The following XRCC2 variants were observed in gnomAD, a reference collection of about 807,000 sequenced individuals.
XRCC2 encodes the protein X-ray repair cross complementing 2.
A neutral mutation model predicts 27.3 loss-of-function variants in XRCC2; 24 were observed. The observed-to-expected ratio is 0.88, with a 90% CI of 0.64 to 1.24. The LOEUF is 1.24. Among genes scored for constraint, XRCC2 ranks in the 50% most tolerant of loss-of-function variants. The pLI is 0.00. For synonymous variants in XRCC2, 106 were observed against 115.4 expected (o/e 0.92, Z 0.52); for missense variants, 321 against 325.8 (o/e 0.99, Z 0.11).
intron 2 of XRCC2, among the ~76,000 whole-genome samples, chr7:152,653,135 G>C (rs527706011): frequency 1.3e-5 from 2 of 152,268 alleles, no homozygotes; most frequent in African/African-American, 4.8e-5. Flanking sequence ...GGTCTTTCCT[G>C]TGCTGTTCTC....
chr7:152,660,217 G>T (rs182130057), intron 2 of XRCC2, among the ~76,000 whole-genome samples: 1 of 152,052 alleles, frequency 6.6e-6, no homozygotes, highest in Non-Finnish European at 1.5e-5. Context: ...CTGTGGTAAC[G>T]GTTGCACAAC....
intron 2 of XRCC2, among the ~76,000 whole-genome samples, chr7:152,652,179 G>GAA (rs11309976): frequency 4.5e-4 from 66 of 146,394 alleles, no homozygotes; most frequent in African/African-American, 3.6e-4. Flanking sequence ...GAAAAGAAAA[G>GAA]AAAAAAAAAA....
At chr7:152,657,731 G>A (rs987227496) in intron 2 of XRCC2, among the ~76,000 whole-genome samples, 1 of 152,126 alleles carries the variant, frequency 6.6e-6, no homozygotes, top group Non-Finnish European at 1.5e-5. Context: ...AATTAAGTTT[G>A]TATTAATCCA....
At chr7:152,658,844 T>C (rs529234327) in intron 2 of XRCC2, among the ~76,000 whole-genome samples, 183 of 152,324 alleles carry the variant, frequency 1.2e-3, no homozygotes, top group Non-Finnish European at 2.2e-3. Context: ...TGGATACTTT[T>C]CCCCCCAGGG....
rs761420597 is a variant in XRCC2 at position 152,647,252 on chromosome 7, G to T, written c.*1390C>A. On this transcript the variant is annotated 3_prime_UTR_variant, in exon 3 of 3. Transcript: ENST00000359321. ...CCTTTGCCCACTTTTTAATGGGGTG[G>T]TTTTTTCTTCTAAATTTGTTTAAAT... The T allele has an allele frequency of 3.9e-5, 6 of 152,098 alleles. No individual in the cohort carries two copies. The highest frequency in any genetic ancestry group is 8.8e-5 in the Non-Finnish European group (6 of 68,002). 9.4% of individuals were successfully genotyped at this position (152,098 alleles called of 1,614,324 possible). A position where few individuals can be genotyped will look rare whatever the true frequency, so the allele number is the denominator to read the frequency against.
In XRCC2 at chr7:152,647,598, T is replaced by C. The variant is rs1476884024; in HGVS notation, c.*1044A>G. The C allele has an allele frequency of 1.3e-5, 2 of 152,226 alleles. No individual in the cohort carries two copies. Among genetic ancestry groups the C allele is most frequent in the African/African-American group, 4.8e-5 (2 of 41,450 alleles). 9.4% of individuals were successfully genotyped at this position (152,226 alleles called of 1,614,324 possible). A position where few individuals can be genotyped will look rare whatever the true frequency, so the allele number is the denominator to read the frequency against. On this transcript the variant is annotated 3_prime_UTR_variant, in exon 3 of 3. Coordinates refer to ENST00000359321, the MANE Select transcript of XRCC2 (RefSeq NM_005431.2). ...ATATGGCATAAGGAAGGCGTCCATTTTCAATCTTTTCCATATGGCTGGCCA... is the reference window on the plus strand; with the variant it reads ...ATATGGCATAAGGAAGGCGTCCATTCTCAATCTTTTCCATATGGCTGGCCA...
chr7:152,649,352 C>G lies in XRCC2; in HGVS notation c.133G>C (p.Glu45Gln). ...EDSPVHGDIL[E>Q]FHGPEGTGKT... is the part of the protein sequence containing the mutation. ...CCTGTTCCTTCTGGGCCATGAAATT[C>G]AAGAATATCACCTGTGTAAAATTTA... The change falls in exon 3 of 3, where the codon GAA becomes CAA. Residue 45 changes from glutamate to glutamine, a missense_variant. Glu to Gln is a conservative substitution (Grantham distance 29). Coordinates refer to ENST00000359321, the MANE Select transcript of XRCC2 (RefSeq NM_005431.2). The G allele has an allele frequency of 6.3e-7, 1 of 1,586,228 alleles. No homozygotes were observed. The highest frequency in any genetic ancestry group is 1.2e-5 in the South Asian group (1 of 86,286).
At chr7:152,662,307 A>T (rs1374334352) in intron 1 of XRCC2, among the ~76,000 whole-genome samples, 2 of 151,756 alleles carry the variant, frequency 1.3e-5, no homozygotes, top group Non-Finnish European at 2.9e-5. Flanking sequence ...TTACTAGGGG[A>T]CAGATGTGAG....
chr7:152,653,469 A>G (rs1235856547), intron 2 of XRCC2, among the ~76,000 whole-genome samples: 1 of 152,082 alleles, frequency 6.6e-6, no homozygotes, highest in Non-Finnish European at 1.5e-5. Context: ...CATAAAGTAG[A>G]CTTTTTTTGA....
Position 152,645,196 on chromosome 7 carries a change from TTA to T in XRCC2, c.*3444_*3445del, listed in dbSNP as rs2098025233. On this transcript the variant is annotated 3_prime_UTR_variant, in exon 3 of 3. Coordinates refer to ENST00000359321, the MANE Select transcript of XRCC2 (RefSeq NM_005431.2). ...TCCAAAAAGGTCTTGCATATTTTTA[TTA>T]GATTTATTTCTAGAAACTTTATATT... 6.7e-6 allele frequency: 1 copy of T among 150,110 alleles called. No individual in the cohort carries two copies. 9.3% of individuals were successfully genotyped at this position (150,110 alleles called of 1,614,324 possible).
intron 2 of XRCC2, 31 bp downstream of exon 2, chr7:152,660,670 C>T (rs1219040124): frequency 1.3e-6 from 2 of 1,567,256 alleles, no homozygotes; most frequent in East Asian, 2.2e-5. Flanking sequence ...TAAAGATTTG[C>T]ATTTATTTAT....
chr7:152,659,949 T>C (rs2098032352), intron 2 of XRCC2, among the ~76,000 whole-genome samples: 1 of 150,816 alleles, frequency 6.6e-6, no homozygotes, highest in Non-Finnish European at 1.5e-5. Context: ...CAATGAAATA[T>C]TTAACAAAGA....
chr7:152,654,532 A>C (rs2116993456), intron 2 of XRCC2, among the ~76,000 whole-genome samples: 1 of 152,364 alleles, frequency 6.6e-6, no homozygotes, highest in South Asian at 2.1e-4. Context: ...AAGATCACTG[A>C]GTTTGTCCAA....
chr7:152,673,475 T>C (rs988984506), intron 1 of XRCC2, among the ~76,000 whole-genome samples: 13 of 152,060 alleles, frequency 8.5e-5, no homozygotes, highest in African/African-American at 3.1e-4. Flanking sequence ...TAAAAAAATA[T>C]TCTTACAACT....
chr7:152,664,797 T>C (rs546111063), intron 1 of XRCC2, among the ~76,000 whole-genome samples: 7 of 152,214 alleles, frequency 4.6e-5, no homozygotes, highest in Middle Eastern at 3.4e-3. Flanking sequence ...TCAGGAATGA[T>C]AACTGGTTGC....
chr7:152,655,615 G>T (rs2098030385), intron 2 of XRCC2, among the ~76,000 whole-genome samples: 2 of 152,188 alleles, frequency 1.3e-5, no homozygotes, highest in South Asian at 4.1e-4. Flanking sequence ...AGGCAGAGGT[G>T]CGAGGATCAC....
chr7:152,671,541 C>T lies in XRCC2; in HGVS notation c.39+4500G>A, dbSNP rs1022788555. Among the ~76,000 whole-genome samples the T allele has an allele frequency of 3.3e-5, 5 of 152,118 alleles. No individual in the cohort carries two copies. In the East Asian group the frequency reaches 7.7e-4, roughly 23 times the overall value. On this transcript the variant is annotated intron_variant, in intron 1 of 2. Coordinates refer to ENST00000359321, the MANE Select transcript of XRCC2 (RefSeq NM_005431.2). ...ACAATACTCTTCTCTTATACCTATA[C>T]TCTTTATTATATTTTCCCTGGATCT...
Position 152,666,667 on chromosome 7 carries a change from G to A in XRCC2, c.40-5885C>T, listed in dbSNP as rs3218433. Reference sequence around the variant, plus strand: ...GAGTCTCGCTTTGTCACCAAGGCTGGAGTGCAGTGGCACAAGTTCAGCTCA... The same window carrying A: ...GAGTCTCGCTTTGTCACCAAGGCTGAAGTGCAGTGGCACAAGTTCAGCTCA... On this transcript the variant is annotated intron_variant, in intron 1 of 2. Transcript: ENST00000359321. Among the ~76,000 whole-genome samples the A allele has an allele frequency of 7.7e-3, 1,164 of 151,398 alleles. 17 individuals carry two copies. Among genetic ancestry groups the A allele is most frequent in the African/African-American group, 0.026 (1,088 of 41,250 alleles).
At chr7:152,651,757 G>T (rs2098028616) in intron 2 of XRCC2, among the ~76,000 whole-genome samples, 1 of 151,384 alleles carries the variant, frequency 6.6e-6, no homozygotes, top group African/African-American at 2.4e-5. Context: ...CAAGTGGTCT[G>T]CCTGCCTCAG....
Sources: gnomAD v4.1 joint callset for allele counts (sites outside exome capture counted in the v4.1 genomes callset) on GRCh38, gnomAD v4.1.1 for gene constraint, MANE v1.5 for transcripts, NCBI Gene and HGNC (gene_info 2026-07-23, HGNC 2026-07-21) for gene names.